Variants in NHSL2 observed in about 807,000 individuals in gnomAD.
NHSL2 encodes the protein NHS-like protein 2.
A neutral mutation model predicts 53.4 loss-of-function variants in NHSL2; 27 were observed. That is an observed-to-expected ratio of 0.51 (90% confidence interval 0.37 to 0.70). NHSL2 has a LOEUF of 0.70. Among genes scored for constraint, NHSL2 ranks in the 30% least tolerant of loss-of-function variants. The pLI, the probability that NHSL2 is intolerant of heterozygous loss-of-function variation, is 0.00. For synonymous variants in NHSL2, 408 were observed against 404.1 expected (o/e 1.01, Z -0.12); for missense variants, 892 against 980.1 (o/e 0.91, Z 1.20).
intron 1 of NHSL2, among the ~76,000 whole-genome samples, chrX:72,086,683 CAAAAAAAAAAAAAA>C (rs34481140): frequency 1.8e-4 from 4 of 22,484 alleles, no homozygotes; most frequent in Admixed American, 7.7e-4. Context: ...AACTCCATCT[CAAAAAAAAAAAAAA>C]AAAAAAAAAA....
At chrX:72,075,662 A>T (rs1602348377) in intron 1 of NHSL2, among the ~76,000 whole-genome samples, 1 of 111,812 alleles carries the variant, frequency 8.9e-6, no homozygotes, top group East Asian at 2.8e-4. Context: ...AAGTGACCTA[A>T]GCTCATCGAG....
At chrX:72,012,894 G>C (rs911435892) in intron 1 of NHSL2, among the ~76,000 whole-genome samples, 1 of 112,338 alleles carries the variant, frequency 8.9e-6, no homozygotes, top group Non-Finnish European at 1.9e-5. Flanking sequence ...TCATTGATCT[G>C]TGTGTCTGTC....
At chrX:72,042,402 C>A (rs2042279581) in intron 1 of NHSL2, among the ~76,000 whole-genome samples, 1 of 112,054 alleles carries the variant, frequency 8.9e-6, no homozygotes, top group Non-Finnish European at 1.9e-5. Flanking sequence ...CCAGTTCACC[C>A]CCATTGGGGT....
chrX:71,940,204 G>C (rs2041759236), intron 1 of NHSL2, among the ~76,000 whole-genome samples: 1 of 112,175 alleles, frequency 8.9e-6, no homozygotes, highest in South Asian at 3.7e-4. Flanking sequence ...TTTCAAGATA[G>C]AGGCAGTGGC....
intron 1 of NHSL2, among the ~76,000 whole-genome samples, chrX:72,040,204 C>T (rs1270612768): frequency 9.0e-6 from 1 of 111,631 alleles, no homozygotes; most frequent in Admixed American, 9.4e-5. Flanking sequence ...CTAATGTTCC[C>T]TTGACAGGGT....
chrX:71,980,714 T>C (rs1173753264), intron 1 of NHSL2, among the ~76,000 whole-genome samples: 1 of 110,716 alleles, frequency 9.0e-6, no homozygotes, highest in African/African-American at 3.3e-5. Context: ...TGGAGACAGA[T>C]GGGCCTGATG....
rs55912050 is a variant in NHSL2 at position 72,144,704 on chromosome X, GCACACA to G, written c.*1167_*1172del. 0.37 allele frequency: 57,142 copies of G among 153,433 alleles called. 11,982 individuals carry two copies. The highest frequency in any genetic ancestry group is 0.52 in the Non-Finnish European group (39,522 of 76,433). The allele number at this position is 153,433 out of a possible 1,213,427, so 12.6% of individuals were successfully genotyped here. A position where few individuals can be genotyped will look rare whatever the true frequency, so the allele number is the denominator to read the frequency against. On this transcript the variant is annotated 3_prime_UTR_variant, in exon 8 of 8. Transcript: ENST00000633930. ...CTTGCCAGTTGCTATGGCCCATAAT[GCACACA>G]CACACACACACACACACACACACAC...
intron 1 of NHSL2, among the ~76,000 whole-genome samples, chrX:72,060,348 G>A (rs2042393043): frequency 8.9e-6 from 1 of 112,259 alleles, no homozygotes; most frequent in African/African-American, 3.2e-5. Context: ...GGAAAGAAGT[G>A]TAGTATGGTG....
chrX:71,976,660 C>T (rs966007855), intron 1 of NHSL2, among the ~76,000 whole-genome samples: 3 of 112,021 alleles, frequency 2.7e-5, no homozygotes, highest in Non-Finnish European at 5.6e-5. Context: ...CTATGATTAT[C>T]CTCATTTCAC....
chrX:72,041,586 G>A (rs757586112), intron 1 of NHSL2, among the ~76,000 whole-genome samples: 7 of 112,321 alleles, frequency 6.2e-5, no homozygotes, highest in Admixed American at 1.9e-4. Flanking sequence ...GGAGAGTGGA[G>A]GGGGCTGGAA....
chrX:72,111,268 T>C (rs985222813), intron 1 of NHSL2, among the ~76,000 whole-genome samples: 1 of 112,241 alleles, frequency 8.9e-6, no homozygotes, highest in Non-Finnish European at 1.9e-5. Flanking sequence ...GCTGAGGCCA[T>C]AAAGGTTTAT....
intron 1 of NHSL2, among the ~76,000 whole-genome samples, chrX:72,124,268 C>A (rs956053185): frequency 5.4e-5 from 6 of 110,825 alleles, no homozygotes; most frequent in African/African-American, 2.0e-4. Flanking sequence ...CCTGGTTTCT[C>A]GGGGGCAGAA....
At chrX:71,956,374 T>A (rs1408938700) in intron 1 of NHSL2, among the ~76,000 whole-genome samples, 38 of 111,463 alleles carry the variant, frequency 3.4e-4, no homozygotes, top group Non-Finnish European at 7.5e-5. Flanking sequence ...GTTGATGGGT[T>A]ATTCTTATGT....
intron 1 of NHSL2, among the ~76,000 whole-genome samples, chrX:72,067,899 C>T (rs2042440878): frequency 8.9e-6 from 1 of 111,939 alleles, no homozygotes; most frequent in Non-Finnish European, 1.9e-5. Flanking sequence ...CTGAAGAGAC[C>T]CTTGAAAGCT....
chrX:72,125,261 C>T (rs1352907919), intron 1 of NHSL2, among the ~76,000 whole-genome samples: 1 of 111,849 alleles, frequency 8.9e-6, no homozygotes, highest in African/African-American at 3.3e-5. Context: ...GTTTTTTGGC[C>T]CCTCATTCCC....
chrX:71,948,844 T>C (rs1262250775), intron 1 of NHSL2, among the ~76,000 whole-genome samples: 33 of 56,857 alleles, frequency 5.8e-4, no homozygotes, highest in African/African-American at 1.5e-3. Flanking sequence ...AAAAAAAATG[T>C]AGTTTTGTTT....
intron 1 of NHSL2, among the ~76,000 whole-genome samples, chrX:72,094,108 T>G (rs749251336): frequency 9.0e-6 from 1 of 111,638 alleles, no homozygotes; most frequent in Non-Finnish European, 1.9e-5. Context: ...AAAGTGCAGT[T>G]ACAGCATCCA....
intron 1 of NHSL2, among the ~76,000 whole-genome samples, chrX:72,040,071 G>T (rs1203934880): frequency 2.7e-5 from 3 of 112,470 alleles, no homozygotes; most frequent in African/African-American, 9.7e-5. Context: ...ATGGGGATTG[G>T]TGTGAGGCAG....
intron 1 of NHSL2, among the ~76,000 whole-genome samples, chrX:71,936,349 C>T (rs1464700268): frequency 8.9e-6 from 1 of 112,368 alleles, no homozygotes; most frequent in East Asian, 2.8e-4. Context: ...TTCTTTCCAG[C>T]CCTTGGAGCC....
Sources: gnomAD v4.1 joint callset for allele counts (sites outside exome capture counted in the v4.1 genomes callset) on GRCh38, gnomAD v4.1.1 for gene constraint, MANE v1.5 for transcripts, NCBI Gene and HGNC (gene_info 2026-07-23, HGNC 2026-07-21) for gene names.